ITGA9: variants seen among roughly 807,000 people sequenced by gnomAD.
The protein encoded by ITGA9 is integrin alpha-9.
Under a neutral mutation model 127.8 loss-of-function variants are expected in ITGA9, and 56 were observed. The ratio of observed to expected loss-of-function variants is 0.44; its 90% CI spans 0.35 to 0.55. ITGA9 has a LOEUF of 0.55. ITGA9 is among the 20% of genes least tolerant of loss of function. The pLI, the probability that ITGA9 is intolerant of heterozygous loss-of-function variation, is 0.00. For synonymous variants in ITGA9, 508 were observed against 514.5 expected, an observed-to-expected ratio of 0.99 and a Z score of 0.17; for missense variants, 1,196 against 1,347.1, an observed-to-expected ratio of 0.89 and a Z score of 1.76.
intron 15 of ITGA9, among the ~76,000 whole-genome samples, chr3:37,548,741 T>C (rs960524711): frequency 3.9e-5 from 6 of 152,198 alleles, no homozygotes; most frequent in Admixed American, 6.5e-5. Flanking sequence ...GGGGCCCTGG[T>C]GCTCTCTAAG....
chr3:37,680,132 G>A (rs547730205), intron 17 of ITGA9, among the ~76,000 whole-genome samples: 6 of 152,214 alleles, frequency 3.9e-5, no homozygotes, highest in East Asian at 1.9e-4. Context: ...CCAGCACAGC[G>A]TCTTCTCTCT....
At chr3:37,470,006 A>G (rs1698411028) in intron 1 of ITGA9, among the ~76,000 whole-genome samples, 1 of 152,148 alleles carries the variant, frequency 6.6e-6, no homozygotes. Context: ...CATGTTGCCC[A>G]GACTGGTCTT....
chr3:37,598,924 G>A (rs181492338), intron 15 of ITGA9, among the ~76,000 whole-genome samples: 3 of 152,308 alleles, frequency 2.0e-5, no homozygotes, highest in South Asian at 4.1e-4. Flanking sequence ...GTTAAGCCCA[G>A]TGGGTGATGC....
At chr3:37,618,647 A>C (rs766995897) in intron 15 of ITGA9, among the ~76,000 whole-genome samples, 2 of 152,102 alleles carry the variant, frequency 1.3e-5, no homozygotes, top group Non-Finnish European at 2.9e-5. Context: ...TAACCTAGTC[A>C]AGCCTTGGCG....
chr3:37,774,339 G>A (rs2685093), intron 23 of ITGA9, among the ~76,000 whole-genome samples: 143,983 of 152,228 alleles, frequency 0.95, 68,327 homozygotes, highest in Non-Finnish European at 0.99. Flanking sequence ...AAATCGTCCA[G>A]ACCTGATGTT....
At chr3:37,752,804 T>G (rs2125539058) in intron 23 of ITGA9, among the ~76,000 whole-genome samples, 1 of 152,352 alleles carries the variant, frequency 6.6e-6, no homozygotes, top group East Asian at 1.9e-4. Context: ...CCAAAGCATT[T>G]CTTGAGGTCC....
chr3:37,668,709 T>C (rs1308522248), intron 17 of ITGA9, among the ~76,000 whole-genome samples: 1 of 152,166 alleles, frequency 6.6e-6, no homozygotes, highest in South Asian at 2.1e-4. Context: ...ATACTTTTCT[T>C]GTTGTCCTGC....
intron 23 of ITGA9, among the ~76,000 whole-genome samples, chr3:37,774,791 C>G (rs748141510): frequency 6.6e-6 from 1 of 152,098 alleles, no homozygotes; most frequent in Non-Finnish European, 1.5e-5. Context: ...CAGTAAGTCC[C>G]AAACTGTGAG....
chr3:37,743,540 T>C (rs1437088312), intron 21 of ITGA9, among the ~76,000 whole-genome samples: 1 of 152,252 alleles, frequency 6.6e-6, no homozygotes, highest in East Asian at 1.9e-4. Flanking sequence ...GGATGCCAAA[T>C]ACATAACTCA....
chr3:37,785,135 T>G, intron 26 of ITGA9, 57 bp downstream of exon 26: 1 of 1,187,090 alleles, frequency 8.4e-7, no homozygotes, highest in Non-Finnish European at 1.3e-6. Context: ...CTGGGTGACT[T>G]GGAGACCTGG....
At chr3:37,628,916 T>A (rs1401263892) in intron 15 of ITGA9, among the ~76,000 whole-genome samples, 1 of 152,144 alleles carries the variant, frequency 6.6e-6, no homozygotes, top group Non-Finnish European at 1.5e-5. Flanking sequence ...AGTAATGTCT[T>A]CCATATGCTC....
At chr3:37,678,747 A>C (rs527393122) in intron 17 of ITGA9, among the ~76,000 whole-genome samples, 81 of 152,186 alleles carry the variant, frequency 5.3e-4, no homozygotes, top group Non-Finnish European at 1.0e-3. Context: ...TAGAAGAGGA[A>C]ATTTTTGCTT....
chr3:37,796,291 T>C lies in ITGA9; in HGVS notation c.2890-7532T>C, dbSNP rs72862207. Among the ~76,000 whole-genome samples, 835 of 152,316 alleles carry C rather than the reference T, an allele frequency of 5.5e-3. 9 individuals are homozygous for C. Among genetic ancestry groups the C allele is most frequent in the African/African-American group, 0.019 (803 of 41,566 alleles). On this transcript the variant is annotated intron_variant, in intron 26 of 27. Transcript: ENST00000264741. ...CTATCATGAGGATCTTTTATCATCATGAACTTCTCCTTTGTAGCACTTCCA... is the reference window on the plus strand; with the variant it reads ...CTATCATGAGGATCTTTTATCATCACGAACTTCTCCTTTGTAGCACTTCCA...
rs190329220 is a variant in ITGA9 at position 37,608,846 on chromosome 3, A to G, written c.1690-20341A>G. On this transcript the variant is annotated intron_variant, in intron 15 of 27. Transcript: ENST00000264741. ...TAAGGTAGTCCTTGAAGTGGAGGCT[A>G]TTAAGACCTAGTGTTATCTGTCTCA... Among the ~76,000 whole-genome samples, 7 of 152,262 alleles carry G rather than the reference A, an allele frequency of 4.6e-5. No homozygotes were observed. The South Asian group carries it at 6.2e-4, about 14-fold the overall frequency.
intron 17 of ITGA9, among the ~76,000 whole-genome samples, chr3:37,667,997 C>G (rs1304426046): frequency 6.6e-6 from 1 of 152,162 alleles, no homozygotes; most frequent in Non-Finnish European, 1.5e-5. Flanking sequence ...ATGCGAGGCT[C>G]CAAGTGTAGG....
intron 16 of ITGA9, among the ~76,000 whole-genome samples, chr3:37,652,143 A>T (rs1575181052): frequency 6.6e-6 from 1 of 151,372 alleles, no homozygotes; most frequent in Non-Finnish European, 1.5e-5. Context: ...AAAAAAGGTG[A>T]AATTATGAAG....
chr3:37,569,692 A>G (rs937961061), intron 15 of ITGA9, among the ~76,000 whole-genome samples: 5 of 152,202 alleles, frequency 3.3e-5, no homozygotes, highest in African/African-American at 1.2e-4. Context: ...ACATGACACC[A>G]CAAGTGGAAA....
Position 37,820,031 on chromosome 3 carries a change from A to C in ITGA9, c.*1042A>C, listed in dbSNP as rs1697493205. 6.6e-6 allele frequency: 1 copy of C among 152,200 alleles called. No individual in the cohort carries two copies. Among genetic ancestry groups the C allele is most frequent in the South Asian group, 2.1e-4 (1 of 4,832 alleles). The allele number at this position is 152,200 out of a possible 1,614,324, so 9.4% of individuals were successfully genotyped here. On this transcript the variant is annotated 3_prime_UTR_variant, in exon 28 of 28. Coordinates refer to ENST00000264741, the MANE Select transcript of ITGA9 (RefSeq NM_002207.3). The stretch of plus-strand genomic sequence containing the variant: ...TTGCAGATTCCTTCCCAGAGAGGAC[A>C]TTTAACCGTTTTAAAAAAAATGTCT...
At chr3:37,522,551 C>T (rs1380648687) in intron 11 of ITGA9, among the ~76,000 whole-genome samples, 1 of 151,874 alleles carries the variant, frequency 6.6e-6, no homozygotes, top group East Asian at 1.9e-4. Context: ...CATGGCGAGA[C>T]CCCGTCTGAC....
Sources: allele counts gnomAD v4.1 joint callset (sites outside exome capture counted in the v4.1 genomes callset), GRCh38; gene constraint gnomAD v4.1.1; transcripts MANE v1.5; gene names NCBI Gene and HGNC (gene_info 2026-07-23, HGNC 2026-07-21).